Variants in EMCN observed in about 807,000 individuals in gnomAD.
EMCN encodes endomucin, also known as MUC-14.
A neutral mutation model predicts 38.4 loss-of-function variants in EMCN; 37 were observed. That is an observed-to-expected ratio of 0.96 (90% CI 0.74 to 1.27). EMCN has a LOEUF of 1.27. EMCN is among the 50% of genes most tolerant of loss of function. The probability of loss-of-function intolerance (pLI) is 0.00; values close to 1 mark genes in which losing one functional copy is unlikely to be tolerated. For synonymous variants in EMCN, 95 were observed against 100.8 expected, an observed-to-expected ratio of 0.94 and a Z score of 0.35; for missense variants, 318 against 302.8, an observed-to-expected ratio of 1.05 and a Z score of -0.37.
chr4:100,474,012 C>A, intron 3 of EMCN: 1 of 152,416 alleles, frequency 6.6e-6, no homozygotes, highest in South Asian at 2.0e-4. Context: ...GTTTGGTGGT[C>A]GGGTCCACTG....
chr4:100,475,013 T>A (rs1244057899), intron 3 of EMCN, 25 bp downstream of exon 3: 3 of 1,297,138 alleles, frequency 2.3e-6, no homozygotes, highest in Non-Finnish European at 1.1e-6. Context: ...TTTTTAAAAT[T>A]GTAGAAAAAT....
At chr4:100,465,217 C>T (rs1728281285) in intron 4 of EMCN, among the ~76,000 whole-genome samples, 1 of 152,090 alleles carries the variant, frequency 6.6e-6, no homozygotes, top group South Asian at 2.1e-4. Context: ...CATTAATCTT[C>T]CTTGTGACCC....
At chr4:100,456,907 G>T (rs1728031918) in intron 4 of EMCN, among the ~76,000 whole-genome samples, 1 of 151,854 alleles carries the variant, frequency 6.6e-6, no homozygotes. Flanking sequence ...TAATGAGAAA[G>T]GTATATTAAA....
chr4:100,516,482 A>G (rs1729759786), intron 1 of EMCN, among the ~76,000 whole-genome samples: 1 of 152,066 alleles, frequency 6.6e-6, no homozygotes, highest in Admixed American at 6.6e-5. Context: ...TGAGATTCCT[A>G]TCAATCTTCC....
chr4:100,471,742 T>C (rs2110270683), intron 3 of EMCN, among the ~76,000 whole-genome samples: 1 of 152,042 alleles, frequency 6.6e-6, no homozygotes, highest in African/African-American at 2.4e-5. Context: ...CATGACCAAG[T>C]TGGATTTAGC....
intron 1 of EMCN, among the ~76,000 whole-genome samples, chr4:100,491,857 C>A (rs72692134): frequency 0.18 from 27,102 of 152,140 alleles, 2,875 homozygotes; most frequent in Middle Eastern, 0.31. Context: ...AGGGTTGTTA[C>A]CAACTGGTTC....
intron 6 of EMCN, 69 bp from the exon 7 acceptor site, chr4:100,423,149 C>T: frequency 2.7e-6 from 4 of 1,489,444 alleles, no homozygotes; most frequent in Non-Finnish European, 3.7e-6. Flanking sequence ...TCCCTCCACC[C>T]TCATTTAAGG....
In EMCN at chr4:100,400,745, A is replaced by G. The variant is rs111952619; in HGVS notation, c.*40-2372T>C. Among the ~76,000 whole-genome samples the G allele has an allele frequency of 1.1e-3, 164 of 152,244 alleles. 2 individuals are homozygous for G. In the East Asian group the frequency reaches 0.023, roughly 21 times the overall value. ...GCTCATGATTGATACTGTTTCAATTATTTTCTCAAAGATCAGCAACCTAAA... is the reference window on the plus strand; with the variant it reads ...GCTCATGATTGATACTGTTTCAATTGTTTTCTCAAAGATCAGCAACCTAAA... On this transcript the variant is annotated intron_variant, in intron 11 of 11. Transcript: ENST00000296420.
intron 4 of EMCN, among the ~76,000 whole-genome samples, chr4:100,448,437 G>T (rs1342481934): frequency 6.6e-6 from 1 of 152,054 alleles, no homozygotes; most frequent in Non-Finnish European, 1.5e-5. Flanking sequence ...CTCTTCCGTT[G>T]CTTTCTTGGT....
intron 11 of EMCN, 131 bp downstream of exon 11, chr4:100,410,151 C>A: frequency 1.5e-6 from 1 of 678,766 alleles, no homozygotes; most frequent in Non-Finnish European, 2.5e-6. Context: ...GACAAATAGA[C>A]AATGATCATT....
At chr4:100,502,135 A>G (rs1729367523) in intron 1 of EMCN, among the ~76,000 whole-genome samples, 1 of 152,204 alleles carries the variant, frequency 6.6e-6, no homozygotes, top group African/African-American at 2.4e-5. Flanking sequence ...TGTCTGATTT[A>G]TATAGAACGT....
At chr4:100,475,301 CTACACA>C (rs1032190837) in intron 2 of EMCN, among the ~76,000 whole-genome samples, 192 bp from the exon 3 acceptor site, 3 of 26,914 alleles carry the variant, frequency 1.1e-4, no homozygotes, top group African/African-American at 2.3e-4. Context: ...TTTGGGTGGC[CTACACA>C]CACACACACA....
intron 11 of EMCN, among the ~76,000 whole-genome samples, chr4:100,402,178 A>G (rs1726277152): frequency 6.6e-6 from 1 of 152,158 alleles, no homozygotes; most frequent in African/African-American, 2.4e-5. Flanking sequence ...TGCAGAAGGC[A>G]AGGTTTATAG....
At chr4:100,424,880 TCCTACCATATTAC>T (rs1218520815) in intron 5 of EMCN, among the ~76,000 whole-genome samples, 1 of 152,058 alleles carries the variant, frequency 6.6e-6, no homozygotes, top group African/African-American at 2.4e-5. Flanking sequence ...GGGTTAATTG[TCCTACCATATTAC>T]CTTCCTGTAG....
chr4:100,476,748 T>C (rs1728661859), intron 2 of EMCN, among the ~76,000 whole-genome samples: 1 of 152,266 alleles, frequency 6.6e-6, no homozygotes, highest in African/African-American at 2.4e-5. Context: ...TCATATTTTG[T>C]GATGATAAAG....
intron 7 of EMCN, among the ~76,000 whole-genome samples, chr4:100,422,004 G>T (rs9307244): frequency 0.036 from 5,448 of 151,450 alleles, 310 homozygotes; most frequent in African/African-American, 0.12. Flanking sequence ...AGTATTGCCT[G>T]CCTTCCTTCC....
At chr4:100,468,642 A>G (rs1388990908) in intron 3 of EMCN, among the ~76,000 whole-genome samples, 2 of 152,118 alleles carry the variant, frequency 1.3e-5, no homozygotes, top group Admixed American at 1.3e-4. Flanking sequence ...TTGGTTTTAC[A>G]TGAATAAAAG....
At chr4:100,411,872 T>C (rs1433518826) in intron 10 of EMCN, among the ~76,000 whole-genome samples, 1 of 152,174 alleles carries the variant, frequency 6.6e-6, no homozygotes, top group Admixed American at 6.6e-5. Flanking sequence ...GAGACAAATA[T>C]TGACGGGCTG....
chr4:100,467,665 G>A (rs1728358292), intron 3 of EMCN, among the ~76,000 whole-genome samples: 1 of 132,306 alleles, frequency 7.6e-6, no homozygotes, highest in Non-Finnish European at 1.6e-5. Flanking sequence ...TTGGGCGAAA[G>A]AGTGAGACTC....
Sources: gnomAD v4.1 joint callset for allele counts (sites outside exome capture counted in the v4.1 genomes callset) on GRCh38, gnomAD v4.1.1 for gene constraint, MANE v1.5 for transcripts, NCBI Gene and HGNC (gene_info 2026-07-23, HGNC 2026-07-21) for gene names.